EPM2A: variants seen among roughly 807,000 people sequenced by gnomAD.
The protein encoded by EPM2A is laforin.
Under a neutral mutation model 26.5 loss-of-function variants are expected in EPM2A, and 21 were observed. The observed-to-expected ratio is 0.79, with a 90% CI of 0.56 to 1.14. The LOEUF (loss-of-function observed/expected upper bound fraction) is 1.14, where lower values mean the gene tolerates loss of function less well. Ranked by LOEUF, EPM2A falls within the 50% of genes most tolerant of loss-of-function variation. EPM2A has a pLI of 0.00. For synonymous variants in EPM2A, 217 were observed against 177.6 expected (o/e 1.22, Z -1.76); for missense variants, 458 against 440.8 (o/e 1.04, Z -0.35).
chr6:145,577,216 C>G lies in EPM2A; in HGVS notation c.340+58029G>C, dbSNP rs139197501. ...ATTTCATGTAAATGGACTAAATTCTCCAATTAAAAGACATAGAATGTCTGA... is the reference window on the plus strand; with the variant it reads ...ATTTCATGTAAATGGACTAAATTCTGCAATTAAAAGACATAGAATGTCTGA... On this transcript the variant is annotated intron_variant, in intron 2 of 3. Transcript: ENST00000450221. 3.7e-4 allele frequency among the ~76,000 whole-genome samples: 56 copies of G among 151,774 alleles called. No individual in the cohort carries two copies. The East Asian group carries it at 9.3e-3, about 25-fold the overall frequency.
intron 2 of EPM2A, among the ~76,000 whole-genome samples, chr6:145,548,734 G>C (rs1251197307): frequency 6.6e-6 from 1 of 151,984 alleles, no homozygotes; most frequent in Non-Finnish European, 1.5e-5. Context: ...GCCTTCTGCT[G>C]CCTTTAAAAG....
intron 4 of EPM2A, among the ~76,000 whole-genome samples, chr6:145,416,317 A>G (rs541263163): frequency 7.2e-5 from 11 of 152,102 alleles, no homozygotes; most frequent in Non-Finnish European, 1.5e-4. Flanking sequence ...ATTATCTTAA[A>G]CACAGAACTA....
chr6:145,521,778 T>A (rs1472414985), intron 2 of EPM2A, among the ~76,000 whole-genome samples: 5 of 152,152 alleles, frequency 3.3e-5, no homozygotes, highest in African/African-American at 9.7e-5. Flanking sequence ...GGTTGGAGAT[T>A]AGGATGAATA....
At chr6:145,477,960 G>A (rs893377392) in intron 4 of EPM2A, among the ~76,000 whole-genome samples, 1 of 151,762 alleles carries the variant, frequency 6.6e-6, no homozygotes, top group Non-Finnish European at 1.5e-5. Context: ...GATATAAAGG[G>A]CATCCAAATT....
intron 2 of EPM2A, among the ~76,000 whole-genome samples, chr6:145,620,303 C>T (rs1484699443): frequency 2.0e-5 from 3 of 152,190 alleles, no homozygotes; most frequent in African/African-American, 7.2e-5. Flanking sequence ...ATACAGTTCA[C>T]AATCCGCTGA....
chr6:145,644,798 G>C (rs1052485151), intron 2 of EPM2A, among the ~76,000 whole-genome samples: 3 of 152,026 alleles, frequency 2.0e-5, no homozygotes, highest in Non-Finnish European at 4.4e-5. Flanking sequence ...AGTCATGATA[G>C]CTACTACCTA....
At chr6:145,658,224 CT>C (rs1778434707) in intron 2 of EPM2A, among the ~76,000 whole-genome samples, 1 of 152,168 alleles carries the variant, frequency 6.6e-6, no homozygotes, top group South Asian at 2.1e-4. Flanking sequence ...TGCAGTCATT[CT>C]TTAGCCTCTA....
chr6:145,525,372 T>C (rs1159122413), intron 2 of EPM2A, among the ~76,000 whole-genome samples: 1 of 152,106 alleles, frequency 6.6e-6, no homozygotes, highest in Non-Finnish European at 1.5e-5. Flanking sequence ...GGAATAGCAT[T>C]GACTGTGTAG....
chr6:145,611,526 C>T (rs1775391500), intron 2 of EPM2A, among the ~76,000 whole-genome samples: 1 of 151,730 alleles, frequency 6.6e-6, no homozygotes, highest in Non-Finnish European at 1.5e-5. Flanking sequence ...AATGGGCCAA[C>T]AAATTTTATT....
chr6:145,527,908 A>C (rs1780300430), intron 2 of EPM2A, among the ~76,000 whole-genome samples: 1 of 152,168 alleles, frequency 6.6e-6, no homozygotes. Flanking sequence ...AAGTTATTAA[A>C]GAAAACTAAA....
intron 4 of EPM2A, among the ~76,000 whole-genome samples, chr6:145,472,582 C>G (rs1394032131): frequency 1.3e-5 from 2 of 151,978 alleles, no homozygotes; most frequent in African/African-American, 4.8e-5. Context: ...GACAAGCTAA[C>G]TTAAGAGACC....
At chr6:145,644,997 A>G (rs1055895668) in intron 2 of EPM2A, among the ~76,000 whole-genome samples, 22 of 152,226 alleles carry the variant, frequency 1.4e-4, no homozygotes, top group Non-Finnish European at 3.2e-4. Context: ...AGAATTAAGT[A>G]CCAATCCCAC....
intron 4 of EPM2A, among the ~76,000 whole-genome samples, chr6:145,481,426 A>G (rs1779610211): frequency 6.6e-6 from 1 of 152,150 alleles, no homozygotes; most frequent in African/African-American, 2.4e-5. Flanking sequence ...TTTCAAGGAT[A>G]AAATAGATTG....
intron 2 of EPM2A, among the ~76,000 whole-genome samples, chr6:145,677,324 T>G (rs1780130651): frequency 6.6e-6 from 1 of 152,324 alleles, no homozygotes; most frequent in East Asian, 1.9e-4. Flanking sequence ...ACAGCCAATA[T>G]TATACTGAAT....
intron 2 of EPM2A, among the ~76,000 whole-genome samples, chr6:145,522,579 C>A (rs907166214): frequency 2.6e-5 from 4 of 152,152 alleles, no homozygotes; most frequent in Non-Finnish European, 5.9e-5. Flanking sequence ...TTCACTCCTG[C>A]AGGCTAAAAT....
At chr6:145,732,688 T>C (rs2128646259) in intron 1 of EPM2A, among the ~76,000 whole-genome samples, 1 of 152,280 alleles carries the variant, frequency 6.6e-6, no homozygotes, top group African/African-American at 2.4e-5. Context: ...AATCTGAACA[T>C]GATTTATAGT....
At chr6:145,686,698 G>A in intron 1 of EPM2A, 1 of 188,842 alleles carries the variant, frequency 5.3e-6, no homozygotes, top group Admixed American at 5.6e-5. Context: ...AATAAAATCA[G>A]GAATAAAGTG....
At chr6:145,559,403 AT>A (rs1404397941) in intron 2 of EPM2A, among the ~76,000 whole-genome samples, 3 of 152,104 alleles carry the variant, frequency 2.0e-5, no homozygotes, top group Admixed American at 1.3e-4. Context: ...ATTTTGGCCA[AT>A]TTCCTTTCTT....
exon 5 of EPM2A, chr6:145,383,741 T>G (rs1667552552): frequency 6.6e-6 from 1 of 152,228 alleles, no homozygotes; most frequent in South Asian, 2.1e-4. Context: ...GTATTGAGTC[T>G]ATCATTTAAA....
Sources: allele counts gnomAD v4.1 joint callset (sites outside exome capture counted in the v4.1 genomes callset), GRCh38; gene constraint gnomAD v4.1.1; transcripts MANE v1.5; gene names NCBI Gene and HGNC (gene_info 2026-07-23, HGNC 2026-07-21).